The following ADISSP variants were observed in gnomAD, a reference collection of about 807,000 sequenced individuals.
ADISSP encodes adipose-secreted signaling protein.
the ADISSP span, among the ~76,000 whole-genome samples, chr20:3,762,056 A>G: frequency 6.6e-6 from 1 of 152,116 alleles, no homozygotes; most frequent in Non-Finnish European, 1.5e-5. Context: ...CACGGATCAC[A>G]AGGTAAGGAG....
chr20:3,759,080 C>T, the ADISSP span, among the ~76,000 whole-genome samples: 2 of 152,198 alleles, frequency 1.3e-5, no homozygotes, highest in Non-Finnish European at 2.9e-5. The surrounding 1 kb of genome is among the most constrained non-coding windows in gnomAD (Gnocchi z 4.6). Flanking sequence ...ATCCCTGGGG[C>T]CTACCCCTAA....
At chr20:3,758,770 A>T in the ADISSP span, 2 of 1,239,032 alleles carry the variant, frequency 1.6e-6, no homozygotes, top group African/African-American at 3.0e-5. This position sits in a 1 kb window ranked among gnomAD's most constrained non-coding sequence, Gnocchi z 5.5. Flanking sequence ...ACTGCCCTTG[A>T]CATCATCCAG....
chr20:3,754,737 C>T, the ADISSP span, among the ~76,000 whole-genome samples: 23 of 152,322 alleles, frequency 1.5e-4, no homozygotes, highest in African/African-American at 5.1e-4. Flanking sequence ...GGACATGCCT[C>T]CAGCCTGTGG....
the ADISSP span, among the ~76,000 whole-genome samples, chr20:3,766,092 A>G: frequency 2.6e-5 from 4 of 152,084 alleles, no homozygotes; most frequent in African/African-American, 9.7e-5. Flanking sequence ...GAACTCCGCA[A>G]CCTTCCACCC....
At chr20:3,753,651 G>A in the ADISSP span, 3 of 261,438 alleles carry the variant, frequency 1.1e-5, no homozygotes, top group African/African-American at 6.7e-5. Context: ...ACTAGGGAGG[G>A]GCAGGAGAGG....
the ADISSP span, chr20:3,760,251 C>G: frequency 3.5e-4 from 218 of 627,662 alleles, 1 homozygote; most frequent in African/African-American, 3.4e-3. Context: ...CTCAGGGACA[C>G]CAGAGGAGCT....
chr20:3,765,500 C>T, the ADISSP span, among the ~76,000 whole-genome samples: 14 of 152,346 alleles, frequency 9.2e-5, no homozygotes, highest in African/African-American at 3.4e-4. Context: ...CCAGGGTTTG[C>T]TGCAACTGTG....
At chr20:3,754,358 T>C in the ADISSP span, 4 of 1,601,508 alleles carry the variant, frequency 2.5e-6, no homozygotes, top group East Asian at 6.7e-5. Context: ...CAGTCGAGCT[T>C]GTGCATCCCT....
At chr20:3,766,697 C>T in the ADISSP span, among the ~76,000 whole-genome samples, 4 of 152,196 alleles carry the variant, frequency 2.6e-5, 1 homozygote, top group South Asian at 8.3e-4. Context: ...ACAGGATTAT[C>T]TCCCAGGGAC....
At chr20:3,765,943 G>A in the ADISSP span, among the ~76,000 whole-genome samples, 1 of 152,094 alleles carries the variant, frequency 6.6e-6, no homozygotes, top group Non-Finnish European at 1.5e-5. Flanking sequence ...AAGCTTCCAG[G>A]CCCCAGCCCA....
the ADISSP span, chr20:3,753,963 G>C: frequency 6.3e-6 from 6 of 946,004 alleles, no homozygotes; most frequent in Non-Finnish European, 9.9e-6. Context: ...ACCCACCCCA[G>C]AGAGGGGCGA....
At chr20:3,763,120 G>A in the ADISSP span, among the ~76,000 whole-genome samples, 1 of 152,022 alleles carries the variant, frequency 6.6e-6, no homozygotes, top group East Asian at 1.9e-4. Context: ...GCTAGGCATG[G>A]TGGTGTGCAC....
the ADISSP span, chr20:3,754,459 A>G: frequency 1.2e-6 from 2 of 1,614,044 alleles, no homozygotes; most frequent in Non-Finnish European, 1.7e-6. Flanking sequence ...GCAGGCTAGC[A>G]GTATCTCCTC....
the ADISSP span, among the ~76,000 whole-genome samples, chr20:3,766,989 G>A: frequency 1.3e-5 from 2 of 151,970 alleles, no homozygotes; most frequent in Admixed American, 6.6e-5. Flanking sequence ...GGGAGGTGCA[G>A]CCCAAGCCCC....
At chr20:3,759,269 C>T in the ADISSP span, among the ~76,000 whole-genome samples, 3 of 152,154 alleles carry the variant, frequency 2.0e-5, no homozygotes, top group Admixed American at 2.0e-4. The surrounding 1 kb of genome is among the most constrained non-coding windows in gnomAD (Gnocchi z 4.6). Flanking sequence ...TGGCCCCTGG[C>T]AGCAAGAAGA....
the ADISSP span, among the ~76,000 whole-genome samples, chr20:3,757,796 CTT>C: frequency 6.6e-6 from 1 of 152,042 alleles, no homozygotes; most frequent in Non-Finnish European, 1.5e-5. Flanking sequence ...GCTCAGCTAA[CTT>C]TTGTATTTTT....
the ADISSP span, chr20:3,760,147 G>A: frequency 2.7e-6 from 4 of 1,482,494 alleles, no homozygotes; most frequent in Admixed American, 1.7e-5. Context: ...CGCCACTCAC[G>A]CTCAGCAGCC....
At chr20:3,755,037 A>G in the ADISSP span, among the ~76,000 whole-genome samples, 9 of 152,296 alleles carry the variant, frequency 5.9e-5, no homozygotes, top group Admixed American at 2.6e-4. Context: ...GGAGTGGGGC[A>G]TGGGGCAGGG....
chr20:3,760,127 T>C, the ADISSP span: 1 of 1,580,852 alleles, frequency 6.3e-7, no homozygotes, highest in South Asian at 1.1e-5. Flanking sequence ...ACGCAGCTCC[T>C]GCCAGACACC....
Sources: allele counts gnomAD v4.1 joint callset (sites outside exome capture counted in the v4.1 genomes callset), GRCh38; gene constraint gnomAD v4.1.1; non-coding constraint Gnocchi (gnomAD v3.1); transcripts MANE v1.5; gene names NCBI Gene and HGNC (gene_info 2026-07-23, HGNC 2026-07-21).